The following LDLRAD3 variants were observed in gnomAD, a reference collection of about 807,000 sequenced individuals.
The protein encoded by LDLRAD3 is low density lipoprotein receptor class A domain containing 3.
A neutral mutation model predicts 29.4 loss-of-function variants in LDLRAD3; 20 were observed. The observed-to-expected ratio is 0.68, with a 90% confidence interval of 0.48 to 0.99. The LOEUF is 0.99. Ranked by LOEUF, LDLRAD3 falls within the 50% of genes least tolerant of loss-of-function variation. The pLI is 0.00. For synonymous variants in LDLRAD3, 157 were observed against 192.7 expected, an observed-to-expected ratio of 0.81 and a Z score of 1.53; for missense variants, 420 against 454.3, an observed-to-expected ratio of 0.92 and a Z score of 0.69.
At chr11:36,158,811 G>A (rs116153432) in intron 4 of LDLRAD3, among the ~76,000 whole-genome samples, 86 of 151,942 alleles carry the variant, frequency 5.7e-4, no homozygotes, top group African/African-American at 2.0e-3. Context: ...TAATTGATAC[G>A]TAATAATTGT....
Position 36,213,982 on chromosome 11 carries a change from A to G in LDLRAD3, c.455-13103A>G, listed in dbSNP as rs984709520. 6.6e-6 allele frequency among the ~76,000 whole-genome samples: 1 copy of G among 152,216 alleles called. No individual in the cohort carries two copies. Among genetic ancestry groups the G allele is most frequent in the Non-Finnish European group, 1.5e-5 (1 of 68,040 alleles). ...TCGGCTCAAATTTAAAACAGTCTTCAGTGTTCATCTAAACTTTGTGGCAGG... is the reference window on the plus strand; with the variant it reads ...TCGGCTCAAATTTAAAACAGTCTTCGGTGTTCATCTAAACTTTGTGGCAGG... On this transcript the variant is annotated intron_variant, in intron 4 of 5. Coordinates refer to ENST00000315571, the MANE Select transcript of LDLRAD3 (RefSeq NM_174902.4). This position sits in a 1 kb window ranked among gnomAD's most constrained non-coding sequence, Gnocchi z 4.1.
At chr11:36,191,441 G>T (rs1854940668) in intron 4 of LDLRAD3, among the ~76,000 whole-genome samples, 1 of 151,244 alleles carries the variant, frequency 6.6e-6, no homozygotes, top group African/African-American at 2.4e-5. Flanking sequence ...TACTCCAGAG[G>T]CTGAGATTGG....
chr11:36,212,955 T>C (rs867846731), intron 4 of LDLRAD3, among the ~76,000 whole-genome samples: 4 of 152,310 alleles, frequency 2.6e-5, no homozygotes, highest in African/African-American at 9.6e-5. Flanking sequence ...CTGCAGTCTT[T>C]TGGAATAAGA....
chr11:36,057,117 A>G (rs1035955414), intron 2 of LDLRAD3, among the ~76,000 whole-genome samples: 1 of 152,178 alleles, frequency 6.6e-6, no homozygotes, highest in Admixed American at 6.5e-5. Context: ...GCAGCTTCCC[A>G]GGACCTTTCT....
At chr11:35,965,579 G>A (rs149250001) in intron 1 of LDLRAD3, among the ~76,000 whole-genome samples, 72 of 152,276 alleles carry the variant, frequency 4.7e-4, no homozygotes, top group African/African-American at 1.6e-3. Context: ...ACTATGTGCC[G>A]AGAAACTGGG....
intron 4 of LDLRAD3, among the ~76,000 whole-genome samples, chr11:36,151,005 A>G (rs1038442663): frequency 5.9e-5 from 9 of 152,100 alleles, no homozygotes; most frequent in African/African-American, 2.2e-4. Flanking sequence ...CTGGACATGG[A>G]AAGTTCTCCG....
chr11:36,099,994 G>A (rs1038704160), intron 4 of LDLRAD3, among the ~76,000 whole-genome samples: 1 of 152,032 alleles, frequency 6.6e-6, no homozygotes, highest in Non-Finnish European at 1.5e-5. Context: ...GGGAGCATCA[G>A]CATCACATGA....
intron 1 of LDLRAD3, among the ~76,000 whole-genome samples, chr11:36,016,907 A>G (rs1434340776): frequency 2.0e-5 from 3 of 152,282 alleles, no homozygotes; most frequent in East Asian, 1.9e-4. Flanking sequence ...GCTATATTGC[A>G]TCATAGGAGG....
At chr11:36,143,697 C>T (rs182235425) in intron 4 of LDLRAD3, among the ~76,000 whole-genome samples, 4 of 152,194 alleles carry the variant, frequency 2.6e-5, no homozygotes, top group African/African-American at 4.8e-5. Flanking sequence ...TTCTGGAGGC[C>T]GGAAGTCCAA....
intron 4 of LDLRAD3, among the ~76,000 whole-genome samples, chr11:36,215,146 C>G (rs1433288474): frequency 6.6e-6 from 1 of 151,852 alleles, no homozygotes; most frequent in Non-Finnish European, 1.5e-5. Context: ...CGGCAAGGGC[C>G]CTGTAGCAGG....
At chr11:36,046,283 C>T (rs1009327872) in intron 2 of LDLRAD3, among the ~76,000 whole-genome samples, 1 of 152,188 alleles carries the variant, frequency 6.6e-6, no homozygotes, top group African/African-American at 2.4e-5. Context: ...CGTGGCTTTG[C>T]TTCTCCTTTG....
intron 4 of LDLRAD3, among the ~76,000 whole-genome samples, chr11:36,105,205 T>TTGTGTG (rs10565208): frequency 8.7e-4 from 121 of 138,550 alleles, no homozygotes; most frequent in African/African-American, 3.1e-3. Flanking sequence ...TCTGCAGAAT[T>TTGTGTG]TGTGTGTGTG....
intron 1 of LDLRAD3, among the ~76,000 whole-genome samples, chr11:35,969,885 A>G (rs886570779): frequency 4.6e-5 from 7 of 152,208 alleles, no homozygotes; most frequent in African/African-American, 1.7e-4. Flanking sequence ...ACATGGTACC[A>G]AGTCCTGCTT....
intron 1 of LDLRAD3, among the ~76,000 whole-genome samples, chr11:35,948,885 T>G (rs147483208): frequency 1.3e-3 from 201 of 152,236 alleles, no homozygotes; most frequent in African/African-American, 4.7e-3. Flanking sequence ...CTGTATTGGC[T>G]TACTCTTCAC....
chr11:36,033,037 G>C (rs1399247740), intron 1 of LDLRAD3, among the ~76,000 whole-genome samples: 1 of 151,994 alleles, frequency 6.6e-6, no homozygotes, highest in Non-Finnish European at 1.5e-5. Context: ...ACCACACCCG[G>C]CTAATTTTGT....
chr11:36,221,678 C>T (rs1279757809), intron 4 of LDLRAD3, among the ~76,000 whole-genome samples: 1 of 152,034 alleles, frequency 6.6e-6, no homozygotes, highest in East Asian at 1.9e-4. Flanking sequence ...TCAGCCTGGG[C>T]AAGTCTTAAA....
At chr11:36,032,500 C>A (rs1311653296) in intron 1 of LDLRAD3, among the ~76,000 whole-genome samples, 1 of 152,144 alleles carries the variant, frequency 6.6e-6, no homozygotes, top group African/African-American at 2.4e-5. Flanking sequence ...AGTGAGAAGT[C>A]CAAAGGTTTT....
At chr11:36,088,093 C>T (rs1219541165) in intron 3 of LDLRAD3, among the ~76,000 whole-genome samples, 2 of 151,984 alleles carry the variant, frequency 1.3e-5, no homozygotes, top group East Asian at 1.9e-4. Flanking sequence ...GAGCTCAAGC[C>T]AACTGCTTGC....
intron 2 of LDLRAD3, among the ~76,000 whole-genome samples, chr11:36,062,312 G>T (rs2133234859): frequency 6.6e-6 from 1 of 152,274 alleles, no homozygotes; most frequent in East Asian, 1.9e-4. Context: ...CCTTTCCCTA[G>T]TACAGGGTTG....
Sources: allele counts gnomAD v4.1 joint callset (sites outside exome capture counted in the v4.1 genomes callset), GRCh38; gene constraint gnomAD v4.1.1; non-coding constraint Gnocchi (gnomAD v3.1); transcripts MANE v1.5; gene names NCBI Gene and HGNC (gene_info 2026-07-23, HGNC 2026-07-21).